The following AHRR variants were observed in gnomAD, a reference collection of about 807,000 sequenced individuals.
The protein encoded by AHRR is aryl hydrocarbon receptor repressor.
AHRR carries 28 observed loss-of-function variants against 44.0 expected under a neutral mutation model. That is an observed-to-expected ratio of 0.64 (90% CI 0.47 to 0.87). The LOEUF is 0.87. Ranked by LOEUF, AHRR falls within the 40% of genes least tolerant of loss-of-function variation. The pLI, the probability that AHRR is intolerant of heterozygous loss-of-function variation, is 0.00. For missense variants in AHRR, 990 were observed against 953.9 expected, an observed-to-expected ratio of 1.04 and a Z score of -0.50; for synonymous variants, 434 against 407.0, an observed-to-expected ratio of 1.07 and a Z score of -0.80.
rs779853326 is a variant in AHRR, at chr5:434,087, C to G, written c.1347C>G (p.Ile449Met). 19 of 1,612,934 alleles carry G rather than the reference C, an allele frequency of 1.2e-5. No individual in the cohort carries two copies. The highest frequency in any genetic ancestry group is 3.3e-4 in the Middle Eastern group (2 of 6,056). ...AGGGCACTTTCAGGAACTCGCCCAT[C>G]TCTCACCCGCCGAGCCCGTCCCCCA... ...CVQGTFRNSP[I>M]SHPPSPSPSA... Residue 449 changes from isoleucine (I) to methionine (M), a missense_variant, in exon 11 of 11, where the codon ATC becomes ATG. Physicochemically the swap from Ile to Met is conservative, Grantham distance 10 (BLOSUM62 1). Coordinates refer to ENST00000684583, the MANE Select transcript of AHRR (RefSeq NM_001377236.1).
intron 4 of AHRR, among the ~76,000 whole-genome samples, chr5:398,654 C>T (rs1282413934): frequency 1.3e-5 from 2 of 152,198 alleles, no homozygotes. Context: ...GGGTTTCAGG[C>T]GCCGTGCGTG....
chr5:346,484 G>A (rs1322375511), intron 2 of AHRR, among the ~76,000 whole-genome samples: 1 of 152,196 alleles, frequency 6.6e-6, no homozygotes, highest in Non-Finnish European at 1.5e-5. Flanking sequence ...GACTGCATTT[G>A]CAGCTGTGTG....
chr5:429,445 G>A (rs145236443), intron 8 of AHRR, among the ~76,000 whole-genome samples: 37 of 152,334 alleles, frequency 2.4e-4, no homozygotes, highest in South Asian at 1.2e-3. Flanking sequence ...CTGATGGGGC[G>A]GGGCTGAGCG....
chr5:344,972 G>T (rs1170972549), intron 2 of AHRR, among the ~76,000 whole-genome samples: 9 of 129,834 alleles, frequency 6.9e-5, no homozygotes, highest in Non-Finnish European at 1.3e-4. Context: ...GTTGGGGGCT[G>T]TGTGGGGTGT....
chr5:363,944 T>G (rs749864191), intron 3 of AHRR, among the ~76,000 whole-genome samples: 35 of 152,224 alleles, frequency 2.3e-4, no homozygotes, highest in Non-Finnish European at 4.6e-4. Context: ...AAATTCAGAC[T>G]GGAAAAGCTC....
chr5:364,650 A>T (rs1366897330), intron 3 of AHRR, among the ~76,000 whole-genome samples: 1 of 152,160 alleles, frequency 6.6e-6, no homozygotes, highest in African/African-American at 2.4e-5. Flanking sequence ...GTGGAACAAA[A>T]GTCCAAATAT....
In AHRR at chr5:434,805, C is replaced by A; in HGVS notation, c.2065C>A (p.Gln689Lys). ...KSALATLVPP[Q>K]ASGCTFLP ...TGCCTTGGCCACGCTGGTCCCGCCC[C>A]AAGCTTCGGGGTGCACATTCCTGCC... The change falls in exon 11 of 11, where the codon CAA becomes AAA. Residue 689 changes from glutamine to lysine, a missense_variant. Coordinates refer to ENST00000684583, the MANE Select transcript of AHRR (RefSeq NM_001377236.1). The A allele has an allele frequency of 6.4e-7, 1 of 1,553,258 alleles. No individual in the cohort carries two copies. The highest frequency in any genetic ancestry group is 8.7e-7 in the Non-Finnish European group (1 of 1,148,064).
rs55929184 is a variant in AHRR at position 405,461 on chromosome 5, G to A, written c.352-7883G>A. Among the ~76,000 whole-genome samples, 35,108 of 152,166 alleles carry A rather than the reference G, an allele frequency of 0.23. 5,345 individuals are homozygous for A. The highest frequency in any genetic ancestry group is 0.34 in the Non-Finnish European group (22,963 of 67,986). The stretch of plus-strand genomic sequence containing the variant: ...AGCCTATGGTGTTGCCCGCTGTTTT[G>A]TTGTGACAGCTGGGCAGGGGCTCCC... On this transcript the variant is annotated intron_variant, in intron 4 of 10. Transcript: ENST00000684583. This position sits in a 1 kb window ranked among gnomAD's most constrained non-coding sequence, Gnocchi z 4.5.
intron 2 of AHRR, among the ~76,000 whole-genome samples, chr5:348,137 T>C (rs1181523926): frequency 6.6e-6 from 1 of 152,196 alleles, no homozygotes; most frequent in African/African-American, 2.4e-5. Flanking sequence ...GGCAGTGCCC[T>C]TGACTCCCAC....
Position 405,090 on chromosome 5 carries a change from A to T in AHRR, c.352-8254A>T, listed in dbSNP as rs771098661. ...AAGTGTTCCATGGCCCCCTCCCCCA[A>T]AGAAATGCAGCAGGTCTGACATTTC... On this transcript the variant is annotated intron_variant, in intron 4 of 10. Coordinates refer to ENST00000684583, the MANE Select transcript of AHRR (RefSeq NM_001377236.1). The surrounding 1 kb of genome is among the most constrained non-coding windows in gnomAD (Gnocchi z 4.5). 5.5e-4 allele frequency among the ~76,000 whole-genome samples: 83 copies of T among 152,046 alleles called. No individual in the cohort carries two copies. The highest frequency in any genetic ancestry group is 8.8e-4 in the Non-Finnish European group (60 of 67,992).
rs762934186 is a variant in AHRR at position 326,869 on chromosome 5, AC to A, written c.-11+5052del. On this transcript the variant is annotated intron_variant, in intron 1 of 10. Transcript: ENST00000684583. This position sits in a 1 kb window ranked among gnomAD's most constrained non-coding sequence, Gnocchi z 4.1. Reference sequence around the variant, plus strand: ...AGGTCGGGAGTTCGAGACCAGCCTGACCAATATGGTGAAACCCCATCTCTAC... The same window carrying A: ...AGGTCGGGAGTTCGAGACCAGCCTGACAATATGGTGAAACCCCATCTCTAC... Among the ~76,000 whole-genome samples, 24 of 152,098 alleles carry A rather than the reference AC, an allele frequency of 1.6e-4. No individual in the cohort carries two copies. Among genetic ancestry groups the A allele is most frequent in the Non-Finnish European group, 3.2e-4 (22 of 68,012 alleles).
intron 2 of AHRR, 75 bp downstream of exon 2, chr5:344,039 C>G (rs1448879767): frequency 8.7e-6 from 13 of 1,493,202 alleles, no homozygotes; most frequent in Non-Finnish European, 1.2e-5. Context: ...GCCTTGAAAA[C>G]GGAGTTTTAG....
chr5:342,130 T>TA lies in AHRR; in HGVS notation c.-10-1762dup, dbSNP rs1742369945. On this transcript the variant is annotated intron_variant, in intron 1 of 10. Transcript: ENST00000684583. This position sits in a 1 kb window ranked among gnomAD's most constrained non-coding sequence, Gnocchi z 4.3. ...GAATATGGTCTGTCTTGGCGAATGT[T>TA]ACATGTGTAAAAACCAGATACTCTT... 6.6e-6 allele frequency among the ~76,000 whole-genome samples: 1 copy of TA among 152,252 alleles called. No homozygotes were observed. The highest frequency in any genetic ancestry group is 1.5e-5 in the Non-Finnish European group (1 of 68,044).
chr5:354,048 C>A, intron 3 of AHRR, 137 bp downstream of exon 3: 1 of 956,858 alleles, frequency 1.0e-6, no homozygotes. Context: ...CCACGCTGCC[C>A]CCAGAACCTG....
chr5:332,948 T>A (rs1482934386), intron 1 of AHRR, among the ~76,000 whole-genome samples: 1 of 128,308 alleles, frequency 7.8e-6, no homozygotes, highest in East Asian at 2.0e-4. Context: ...TTTTTTTTTT[T>A]ACTGTTTTTG....
rs575485902 is a variant in AHRR at position 328,648 on chromosome 5, T to C, written c.-11+6829T>C. On this transcript the variant is annotated intron_variant, in intron 1 of 10. Coordinates refer to ENST00000684583, the MANE Select transcript of AHRR (RefSeq NM_001377236.1). Reference sequence around the variant, plus strand: ...ATGATTAGTGATGTGGGGTATTTTTTCATATACCTGTTGGCCATTTGTATC... The same window carrying C: ...ATGATTAGTGATGTGGGGTATTTTTCCATATACCTGTTGGCCATTTGTATC... Among the ~76,000 whole-genome samples the C allele has an allele frequency of 9.2e-5, 14 of 152,310 alleles. No homozygotes were observed. In the South Asian group the frequency reaches 2.7e-3, roughly 29 times the overall value.
At chr5:369,555 G>A (rs537133268) in intron 3 of AHRR, among the ~76,000 whole-genome samples, 1 of 152,336 alleles carries the variant, frequency 6.6e-6, no homozygotes, top group African/African-American at 2.4e-5. Context: ...TGTGTCACTT[G>A]CTTCGCTCTG....
At chr5:372,972 G>A (rs146238528) in intron 3 of AHRR, among the ~76,000 whole-genome samples, 1 of 152,368 alleles carries the variant, frequency 6.6e-6, no homozygotes, top group Non-Finnish European at 1.5e-5. Context: ...GAGCCACTCT[G>A]CTCCAGCCCT....
At chr5:365,487 T>G (rs1262966366) in intron 3 of AHRR, among the ~76,000 whole-genome samples, 1 of 152,142 alleles carries the variant, frequency 6.6e-6, no homozygotes, top group Non-Finnish European at 1.5e-5. Flanking sequence ...AAATAAATAA[T>G]CTTAAGTGTT....
Sources: gnomAD v4.1 joint callset for allele counts (sites outside exome capture counted in the v4.1 genomes callset) on GRCh38, gnomAD v4.1.1 for gene constraint, Gnocchi (gnomAD v3.1) non-coding constraint, MANE v1.5 for transcripts, NCBI Gene and HGNC (gene_info 2026-07-23, HGNC 2026-07-21) for gene names.